Variants in NECAB1 observed in about 807,000 individuals in gnomAD.
The protein encoded by NECAB1 is N-terminal EF-hand calcium binding protein 1, also known as N-terminal EF-hand calcium-binding protein 1.
A neutral mutation model predicts 57.5 loss-of-function variants in NECAB1; 29 were observed. The ratio of observed to expected loss-of-function variants is 0.50; its 90% CI spans 0.38 to 0.69. The LOEUF is 0.69. Among genes scored for constraint, NECAB1 ranks in the 30% least tolerant of loss-of-function variants. NECAB1 has a pLI of 0.00. For synonymous variants in NECAB1, 142 were observed against 147.7 expected (o/e 0.96, Z 0.28); for missense variants, 372 against 413.8 (o/e 0.90, Z 0.88).
intron 5 of NECAB1, among the ~76,000 whole-genome samples, chr8:90,902,246 C>A (rs533396464): frequency 6.6e-6 from 1 of 152,196 alleles, no homozygotes; most frequent in Non-Finnish European, 1.5e-5. Flanking sequence ...AGGGTGAAAC[C>A]CTGCCTCTAG....
At chr8:90,845,028 G>A (rs540181778) in intron 3 of NECAB1, among the ~76,000 whole-genome samples, 25 of 152,302 alleles carry the variant, frequency 1.6e-4, no homozygotes, top group African/African-American at 4.3e-4. Context: ...TCCGGTTCAC[G>A]TCCAAAAGCA....
Position 90,791,912 on chromosome 8 carries a change from C to G in NECAB1, c.26C>G (p.Pro9Arg), listed in dbSNP as rs768797238. The change falls in exon 1 of 13, where the codon CCG (proline) becomes CGG (arginine). Residue 9 changes from proline to arginine, a missense_variant. Physicochemically the swap from Pro to Arg is moderately radical, Grantham distance 103 (BLOSUM62 -2). Transcript: ENST00000417640. MEDSQETS[P>R]SSNNSSEELS... ...ATGGAAGATTCCCAGGAGACATCGC[C>G]GTCCTCCAACAACTCCTCGGAGGAG... 2.6e-6 allele frequency: 4 copies of G among 1,551,902 alleles called. No homozygotes were observed. In the African/African-American group the frequency reaches 5.5e-5, roughly 21 times the overall value.
At chr8:90,821,215 T>A (rs1812139610) in intron 2 of NECAB1, among the ~76,000 whole-genome samples, 1 of 151,820 alleles carries the variant, frequency 6.6e-6, no homozygotes, top group South Asian at 2.1e-4. Flanking sequence ...AATCTCAACA[T>A]ATCCAGAAGA....
At chr8:90,949,146 T>TG (rs1810872818) in intron 10 of NECAB1, among the ~76,000 whole-genome samples, 1 of 129,876 alleles carries the variant, frequency 7.7e-6, no homozygotes, top group Admixed American at 7.6e-5. Context: ...AACAGGCACT[T>TG]TGTGTGTGTG....
intron 11 of NECAB1, among the ~76,000 whole-genome samples, chr8:90,950,854 T>A (rs1171770356): frequency 6.6e-6 from 1 of 152,170 alleles, no homozygotes; most frequent in East Asian, 1.9e-4. Context: ...TTTGGTGCAA[T>A]AAAATCTACT....
rs571346846 is a variant in NECAB1 at position 90,878,945 on chromosome 8, T to C, written c.260-2088T>C. ...TATATATATATAGTAAGTATTTTCT[T>C]ATTTATCTTCTAACTAATCACTGTC... On this transcript the variant is annotated intron_variant, in intron 4 of 12. Transcript: ENST00000417640. Among the ~76,000 whole-genome samples, 37 of 146,808 alleles carry C rather than the reference T, an allele frequency of 2.5e-4. No homozygotes were observed. In the East Asian group the frequency reaches 5.7e-3, roughly 23 times the overall value.
chr8:90,883,668 C>A (rs1192832991), intron 5 of NECAB1, among the ~76,000 whole-genome samples: 2 of 152,132 alleles, frequency 1.3e-5, no homozygotes, highest in Non-Finnish European at 2.9e-5. Flanking sequence ...TAACCCCAGC[C>A]TTTTGTCATA....
intron 2 of NECAB1, among the ~76,000 whole-genome samples, chr8:90,824,460 ATGTT>A (rs1049634000): frequency 2.6e-5 from 4 of 151,868 alleles, no homozygotes; most frequent in African/African-American, 9.7e-5. Context: ...TAAATGTTAA[ATGTT>A]TGTCATGTGA....
chr8:90,884,948 C>T (rs751688615), intron 5 of NECAB1, among the ~76,000 whole-genome samples: 26 of 152,154 alleles, frequency 1.7e-4, no homozygotes, highest in Non-Finnish European at 3.4e-4. Flanking sequence ...CTCAATGCCT[C>T]TGGAAAGGTT....
chr8:90,946,038 C>T (rs1218447684), intron 10 of NECAB1, among the ~76,000 whole-genome samples: 2 of 152,186 alleles, frequency 1.3e-5, no homozygotes, highest in Non-Finnish European at 2.9e-5. Flanking sequence ...CAACTGCTGA[C>T]AAATCTTTCT....
intron 3 of NECAB1, among the ~76,000 whole-genome samples, chr8:90,835,168 G>C (rs1812351574): frequency 6.6e-6 from 1 of 152,068 alleles, no homozygotes; most frequent in African/African-American, 2.4e-5. Context: ...CGAAGGCAGA[G>C]GCCATAACTA....
At chr8:90,807,987 G>A (rs555968775) in intron 2 of NECAB1, among the ~76,000 whole-genome samples, 1 of 151,356 alleles carries the variant, frequency 6.6e-6, no homozygotes, top group South Asian at 2.1e-4. Context: ...ACAAAATAAA[G>A]AAAAATAAAT....
chr8:90,812,735 T>C (rs1811982840), intron 2 of NECAB1: 1 of 152,048 alleles, frequency 6.6e-6, no homozygotes, highest in Non-Finnish European at 1.5e-5. Flanking sequence ...TCGGGAGGCG[T>C]GCTTTCCGGC....
chr8:90,830,193 G>T (rs1812280971), intron 3 of NECAB1, among the ~76,000 whole-genome samples: 2 of 152,052 alleles, frequency 1.3e-5, no homozygotes, highest in African/African-American at 4.8e-5. Flanking sequence ...AGCACAATCT[G>T]CATGACATTG....
intron 6 of NECAB1, among the ~76,000 whole-genome samples, chr8:90,918,724 C>T (rs1378182384): frequency 1.3e-5 from 2 of 152,150 alleles, no homozygotes; most frequent in Non-Finnish European, 2.9e-5. Context: ...CACCCACCTC[C>T]TGTTACCCAC....
chr8:90,887,405 CAT>C (rs1295247410), intron 5 of NECAB1, among the ~76,000 whole-genome samples: 2 of 152,174 alleles, frequency 1.3e-5, no homozygotes, highest in Non-Finnish European at 2.9e-5. Flanking sequence ...CAAAACCAAA[CAT>C]AGTTTTAAAA....
At chr8:90,930,950 A>G (rs1810388937) in intron 8 of NECAB1, among the ~76,000 whole-genome samples, 1 of 152,254 alleles carries the variant, frequency 6.6e-6, no homozygotes, top group Non-Finnish European at 1.5e-5. Context: ...GAATTTTTGG[A>G]CAAAACTGTC....
At chr8:90,815,038 C>T (rs1812035637) in intron 2 of NECAB1, among the ~76,000 whole-genome samples, 1 of 152,038 alleles carries the variant, frequency 6.6e-6, no homozygotes, top group Non-Finnish European at 1.5e-5. Context: ...TAATCCATTA[C>T]CACATGGATC....
intron 3 of NECAB1, among the ~76,000 whole-genome samples, chr8:90,831,316 C>G (rs1463921): frequency 6.6e-6 from 1 of 151,820 alleles, no homozygotes; most frequent in Non-Finnish European, 1.5e-5. Context: ...AAAATAGAAC[C>G]AGGATGCTGT....
Sources: gnomAD v4.1 joint callset for allele counts (sites outside exome capture counted in the v4.1 genomes callset) on GRCh38, gnomAD v4.1.1 for gene constraint, MANE v1.5 for transcripts, NCBI Gene and HGNC (gene_info 2026-07-23, HGNC 2026-07-21) for gene names.